The following RIPOR3 variants were observed in gnomAD, a reference collection of about 807,000 sequenced individuals.
RIPOR3 encodes RIPOR family member 3.
RIPOR3 carries 95 observed loss-of-function variants against 114.3 expected under a neutral mutation model. That is an observed-to-expected ratio of 0.83 (90% CI 0.70 to 0.99). RIPOR3 has a LOEUF of 0.99. Among genes scored for constraint, RIPOR3 ranks in the 50% least tolerant of loss-of-function variants. RIPOR3 has a pLI of 0.00. For missense variants in RIPOR3, 1,252 were observed against 1,266.9 expected, an observed-to-expected ratio of 0.99 and a Z score of 0.18; for synonymous variants, 575 against 543.8, an observed-to-expected ratio of 1.06 and a Z score of -0.80.
chr20:50,605,926 G>A (rs2083695697), intron 11 of RIPOR3, among the ~76,000 whole-genome samples: 1 of 152,226 alleles, frequency 6.6e-6, no homozygotes, highest in Admixed American at 6.5e-5. Flanking sequence ...TCTCAAGGCT[G>A]GGCGTGGTGG....
chr20:50,666,453 A>C (rs569990137), intron 1 of RIPOR3, among the ~76,000 whole-genome samples: 1 of 150,632 alleles, frequency 6.6e-6, no homozygotes, highest in Non-Finnish European at 1.5e-5. Flanking sequence ...CGAATTCCTG[A>C]CCTCAGGTGA....
intron 1 of RIPOR3, among the ~76,000 whole-genome samples, chr20:50,679,007 A>C (rs2123590233): frequency 6.7e-6 from 1 of 148,204 alleles, no homozygotes; most frequent in South Asian, 2.2e-4. Context: ...CAGGAAGCCA[A>C]GGTGGGAGGA....
intron 1 of RIPOR3, among the ~76,000 whole-genome samples, chr20:50,661,677 A>G (rs2086001158): frequency 6.6e-6 from 1 of 152,170 alleles, no homozygotes; most frequent in African/African-American, 2.4e-5. Context: ...AACTGCTGTT[A>G]TCAGAGTTGT....
intron 1 of RIPOR3, among the ~76,000 whole-genome samples, chr20:50,681,087 G>T (rs1020786715): frequency 1.4e-4 from 22 of 151,912 alleles, no homozygotes; most frequent in African/African-American, 4.8e-4. Context: ...GGCTGGGCGT[G>T]GTGGTGCATG....
chr20:50,598,304 C>G (rs989099578), intron 13 of RIPOR3, among the ~76,000 whole-genome samples: 1 of 152,120 alleles, frequency 6.6e-6, no homozygotes, highest in Non-Finnish European at 1.5e-5. Flanking sequence ...CAACCCGCCA[C>G]TGGTCAAGTC....
intron 17 of RIPOR3, 106 bp from the exon 18 acceptor site, chr20:50,593,302 G>T (rs1438302300): frequency 1.5e-6 from 2 of 1,315,082 alleles, no homozygotes; most frequent in Non-Finnish European, 2.0e-6. Flanking sequence ...GCCGGGCGCA[G>T]TGGCTCGCAC....
At position 50,616,288 on chromosome 20, in the gene RIPOR3, C is replaced by T. The variant is rs192217973; in HGVS notation, c.270-208G>A. ...TACAGGGAAGTTCCTAGTTAATTCC[C>T]CCACCAGGCCCACAAGTAGCTTCTA... On this transcript the variant is annotated intron_variant, in intron 3 of 21. Coordinates refer to ENST00000327979, the MANE Select transcript of RIPOR3 (RefSeq NM_001290268.2). Among the ~76,000 whole-genome samples the T allele has an allele frequency of 7.0e-3, 1,073 of 152,228 alleles. 13 individuals carry two copies. The highest frequency in any genetic ancestry group is 0.027 in the Middle Eastern group (8 of 294).
In RIPOR3 at chr20:50,630,739, C is replaced by G. The variant is rs377763720; in HGVS notation, c.121G>C (p.Ala41Pro). ...AAACAGGACACGGGGGGAACTTACG[C>G]GATCCTCCGGCTCTGTGCACTGCTG... The part of the protein sequence containing the change: ...GFSSAQSRRI[A>P]KSINRNSVRS... The change falls in exon 2 of 22, where the codon GCA (alanine) becomes CCA (proline). Residue 41 changes from alanine (A) to proline (P), a missense_variant and splice_region_variant. Coordinates refer to ENST00000327979, the MANE Select transcript of RIPOR3 (RefSeq NM_001290268.2). 6.2e-7 allele frequency: 1 copy of G among 1,605,172 alleles called. No homozygotes were observed. Among genetic ancestry groups the G allele is most frequent in the Non-Finnish European group, 8.5e-7 (1 of 1,175,670 alleles).
chr20:50,659,583 G>A (rs551431266), intron 1 of RIPOR3, among the ~76,000 whole-genome samples: 8 of 144,980 alleles, frequency 5.5e-5, no homozygotes, highest in African/African-American at 2.1e-4. Flanking sequence ...GGAAGCAGAG[G>A]TTGCAGTGAG....
chr20:50,597,662 A>G lies in RIPOR3; in HGVS notation c.1708T>C (p.Cys570Arg). 1.2e-6 allele frequency: 2 copies of G among 1,612,142 alleles called. No individual in the cohort carries two copies. The highest frequency in any genetic ancestry group is 1.7e-6 in the Non-Finnish European group (2 of 1,179,168). Residue 570 changes from cysteine to arginine, a missense_variant, in exon 14 of 22, where the codon TGC becomes CGC. Coordinates refer to ENST00000327979, the MANE Select transcript of RIPOR3 (RefSeq NM_001290268.2). Reference protein sequence around the residue: ...EHTSAESLMECILESFAFLNA... With the variant: ...EHTSAESLMERILESFAFLNA... Reference sequence around the variant, plus strand: ...AGGAAGGCGAAGCTCTCCAGGATGCACTCCATCAGGCTCTCGGCCGAGGTG... The same window carrying G: ...AGGAAGGCGAAGCTCTCCAGGATGCGCTCCATCAGGCTCTCGGCCGAGGTG...
chr20:50,597,570 G>C lies in RIPOR3; in HGVS notation c.1790+10C>G. On this transcript the variant is annotated intron_variant, in intron 14 of 21. Transcript: ENST00000327979. ...GCCACTGGGTCACTGCTGGAAGGAG[G>C]TGCACTCACCGGAGACCCTGGGAGC... 6.3e-7 allele frequency: 1 copy of C among 1,599,768 alleles called. No individual in the cohort carries two copies. Among genetic ancestry groups the C allele is most frequent in the Middle Eastern group, 1.7e-4 (1 of 6,012 alleles).
intron 15 of RIPOR3, 138 bp from the exon 16 acceptor site, chr20:50,595,642 C>T (rs2083263281): frequency 7.9e-7 from 1 of 1,268,980 alleles, no homozygotes; most frequent in Non-Finnish European, 1.1e-6. Flanking sequence ...TGGGGATTCC[C>T]CTTTCACCAA....
chr20:50,597,800 C>A, intron 13 of RIPOR3, 90 bp from the exon 14 acceptor site: 1 of 1,508,264 alleles, frequency 6.6e-7, no homozygotes, highest in Non-Finnish European at 8.9e-7. Context: ...CAGACTTGGG[C>A]AATGTCCCGG....
intron 1 of RIPOR3, chr20:50,636,655 G>T: frequency 3.0e-6 from 3 of 985,620 alleles, no homozygotes; most frequent in Non-Finnish European, 3.6e-6. Context: ...ACTTAGAACT[G>T]ATGCCGTTCA....
chr20:50,632,577 C>T (rs1053113942), intron 1 of RIPOR3, among the ~76,000 whole-genome samples: 8 of 152,186 alleles, frequency 5.3e-5, no homozygotes, highest in African/African-American at 7.2e-5. Context: ...TGAGTGGCTA[C>T]GAATCCATGA....
At chr20:50,596,663 G>A (rs2083301618) in intron 14 of RIPOR3, among the ~76,000 whole-genome samples, 1 of 152,232 alleles carries the variant, frequency 6.6e-6, no homozygotes, top group Admixed American at 6.5e-5. Flanking sequence ...CTCACACCAA[G>A]TCCACTCTGT....
intron 13 of RIPOR3, among the ~76,000 whole-genome samples, chr20:50,598,431 G>A (rs2083379032): frequency 6.6e-6 from 1 of 151,936 alleles, no homozygotes; most frequent in Admixed American, 6.6e-5. Flanking sequence ...CAGGCCTTGT[G>A]TCCAACACAA....
At chr20:50,605,708 G>T (rs1462334331) in intron 11 of RIPOR3, among the ~76,000 whole-genome samples, 1 of 151,894 alleles carries the variant, frequency 6.6e-6, no homozygotes, top group Non-Finnish European at 1.5e-5. Flanking sequence ...AGCCTGGGAG[G>T]TGGAGGCTGC....
chr20:50,647,772 G>A (rs906277908), intron 1 of RIPOR3, among the ~76,000 whole-genome samples: 10 of 151,486 alleles, frequency 6.6e-5, no homozygotes, highest in Non-Finnish European at 1.5e-4. Flanking sequence ...ATGAGCCACC[G>A]CACCCGGCCA....
Sources: allele counts gnomAD v4.1 joint callset (sites outside exome capture counted in the v4.1 genomes callset), GRCh38; gene constraint gnomAD v4.1.1; transcripts MANE v1.5; gene names NCBI Gene and HGNC (gene_info 2026-07-23, HGNC 2026-07-21).